MAP3K13: variants seen among roughly 807,000 people sequenced by gnomAD.
MAP3K13 encodes the protein leucine zipper-bearing kinase.
Under a neutral mutation model 104.0 loss-of-function variants are expected in MAP3K13, and 52 were observed. That is an observed-to-expected ratio of 0.50 (90% CI 0.40 to 0.63). MAP3K13 has a LOEUF of 0.63. Ranked by LOEUF, MAP3K13 falls within the 20% of genes least tolerant of loss-of-function variation. The pLI is 0.00. For missense variants in MAP3K13, 914 were observed against 1,218.5 expected, an observed-to-expected ratio of 0.75 and a Z score of 3.72; for synonymous variants, 394 against 442.2, an observed-to-expected ratio of 0.89 and a Z score of 1.37.
intron 11 of MAP3K13, 23 bp from the exon 12 acceptor site, chr3:185,477,303 C>A (rs765734592): frequency 3.3e-6 from 5 of 1,493,534 alleles, no homozygotes; most frequent in Non-Finnish European, 3.7e-6. Flanking sequence ...ATAAATAAAA[C>A]TCTTAATCCT....
Position 185,423,284 on chromosome 3 carries a change from GC to G in MAP3K13, c.-85-5211del, listed in dbSNP as rs147636528. ...GTCTTCCACAAAACTGGTCCCTGGT[GC>G]CAAAGAGGTTGGGGACTGCTGCTGT... On this transcript the variant is annotated intron_variant, in intron 1 of 13. Coordinates refer to ENST00000265026, the MANE Select transcript of MAP3K13 (RefSeq NM_004721.5). The surrounding 1 kb of genome is among the most constrained non-coding windows in gnomAD (Gnocchi z 4.1). Among the ~76,000 whole-genome samples, 804 of 152,312 alleles carry G rather than the reference GC, an allele frequency of 5.3e-3. 7 individuals carry two copies. The highest frequency in any genetic ancestry group is 0.018 in the African/African-American group (763 of 41,574).
intron 3 of MAP3K13, among the ~76,000 whole-genome samples, chr3:185,438,829 A>T (rs1038927400): frequency 1.3e-5 from 2 of 152,212 alleles, no homozygotes; most frequent in African/African-American, 4.8e-5. Flanking sequence ...CAGGACAAGT[A>T]TCTTTAGGTA....
chr3:185,345,698 G>GA (rs1722895888), intron 2 of MAP3K13, among the ~76,000 whole-genome samples: 1 of 151,962 alleles, frequency 6.6e-6, no homozygotes, highest in Non-Finnish European at 1.5e-5. Flanking sequence ...CTAGTTGCAG[G>GA]AAAAAAAGCA....
chr3:185,307,545 CCT>C (rs1491573373), intron 2 of MAP3K13, among the ~76,000 whole-genome samples: 8 of 48,242 alleles, frequency 1.7e-4, no homozygotes, highest in African/African-American at 2.6e-4. Flanking sequence ...TGCACCACCC[CCT>C]CCCCCGCCAC....
chr3:185,443,730 C>A (rs1715451399), intron 4 of MAP3K13, 94 bp downstream of exon 4: 8 of 1,051,488 alleles, frequency 7.6e-6, no homozygotes, highest in Non-Finnish European at 4.3e-6. Flanking sequence ...AGACATCATA[C>A]CTTTAGTTCA....
chr3:185,432,774 T>G (rs1714821982), intron 2 of MAP3K13, among the ~76,000 whole-genome samples: 1 of 152,266 alleles, frequency 6.6e-6, no homozygotes, highest in South Asian at 2.1e-4. Context: ...CAACTGATTA[T>G]GTGACTTTCA....
At chr3:185,428,200 A>AT (rs953664658) in intron 1 of MAP3K13, among the ~76,000 whole-genome samples, 29 of 151,968 alleles carry the variant, frequency 1.9e-4, no homozygotes, top group Admixed American at 1.6e-3. Flanking sequence ...AGTTCCTTGG[A>AT]TTTTTTCCTT....
At position 185,477,019 on chromosome 3, in the gene MAP3K13, C is replaced by A. The variant is rs564973460; in HGVS notation, c.2431-307C>A. The A allele has an allele frequency of 1.0e-5, 5 of 500,656 alleles. No individual in the cohort carries two copies. In the East Asian group the frequency reaches 2.4e-4, roughly 24 times the overall value. The allele number at this position is 500,656 out of a possible 1,614,324, so 31.0% of individuals were successfully genotyped here. On this transcript the variant is annotated intron_variant, in intron 11 of 13. Transcript: ENST00000265026. ...TGACCCCAAATCCAAGACCTCCTCT[C>A]CAACTTCCCTCTCCATCACTCACCT...
intron 1 of MAP3K13, among the ~76,000 whole-genome samples, chr3:185,414,286 C>T (rs1266670628): frequency 1.3e-5 from 2 of 152,164 alleles, no homozygotes; most frequent in Non-Finnish European, 2.9e-5. Flanking sequence ...TACGTTATCA[C>T]ATTGCTATGT....
rs1356776911 is a variant in MAP3K13 at position 185,485,578 on chromosome 3, G to A, written c.*3122G>A. The A allele has an allele frequency of 2.6e-5, 4 of 151,968 alleles. No homozygotes were observed. The highest frequency in any genetic ancestry group is 2.1e-4 in the South Asian group (1 of 4,824). The allele number at this position is 151,968 out of a possible 1,614,324, so 9.4% of individuals were successfully genotyped here. On this transcript the variant is annotated 3_prime_UTR_variant, in exon 14 of 14. Coordinates refer to ENST00000265026, the MANE Select transcript of MAP3K13 (RefSeq NM_004721.5). ...CCATTAGTCACTTAGTAGCAGTCTC[G>A]GTGATCAGATCGACTGTCTCGGTTA...
In MAP3K13 at chr3:185,451,397, T is replaced by A; in HGVS notation, c.1278+2T>A. 2 of 1,608,452 alleles carry A rather than the reference T, an allele frequency of 1.2e-6. No homozygotes were observed. Among genetic ancestry groups the A allele is most frequent in the Non-Finnish European group, 1.7e-6 (2 of 1,174,848 alleles). On this transcript the variant is annotated splice_donor_variant, in intron 7 of 13. Coordinates refer to ENST00000265026, the MANE Select transcript of MAP3K13 (RefSeq NM_004721.5). LOFTEE classifies it high-confidence loss of function. Reference sequence around the variant, plus strand: ...CAAGAAACTTACTTCAAGTCTCAGGTAAGTTGGGAAACTTCCTACCAGGTG... The same window carrying A: ...CAAGAAACTTACTTCAAGTCTCAGGAAAGTTGGGAAACTTCCTACCAGGTG...
Position 185,436,851 on chromosome 3 carries a change from A to G in MAP3K13, c.476-596A>G, listed in dbSNP as rs545267979. ...AACCCTGCCTCTACTGAAAAATACA[A>G]TTAGCCAGACATGGTGGCTGGTGCC... On this transcript the variant is annotated intron_variant, in intron 2 of 13. Transcript: ENST00000265026. 3.9e-5 allele frequency among the ~76,000 whole-genome samples: 6 copies of G among 152,036 alleles called. No homozygotes were observed. In the East Asian group the frequency reaches 1.2e-3, roughly 29 times the overall value.
rs559110513 is a variant in MAP3K13 at position 185,456,542 on chromosome 3, G to A, written c.1278+5147G>A. ...TGAAATGAAAGAGAATATAGTACTC[G>A]CTAGGAAATCTTTCGAACTTTAAGA... is the stretch of plus-strand genomic sequence containing the variant. On this transcript the variant is annotated intron_variant, in intron 7 of 13. Transcript: ENST00000265026. 2.3e-4 allele frequency among the ~76,000 whole-genome samples: 35 copies of A among 150,984 alleles called. No homozygotes were observed. The South Asian group carries it at 6.1e-3, about 26-fold the overall frequency.
chr3:185,424,742 C>A lies in MAP3K13; in HGVS notation c.-85-3755C>A, dbSNP rs112875039. Among the ~76,000 whole-genome samples, 1,199 of 152,344 alleles carry A rather than the reference C, an allele frequency of 7.9e-3. 13 individuals are homozygous for A. The highest frequency in any genetic ancestry group is 0.014 in the Non-Finnish European group (942 of 68,028). On this transcript the variant is annotated intron_variant, in intron 1 of 13. Transcript: ENST00000265026. ...GTAAATTGTAAAGCACTTTGTCTTACTTATTATTAAAAATAGTAATGGTAA... is the reference window on the plus strand; with the variant it reads ...GTAAATTGTAAAGCACTTTGTCTTAATTATTATTAAAAATAGTAATGGTAA...
At chr3:185,294,675 A>G (rs1043974804) in intron 2 of MAP3K13, among the ~76,000 whole-genome samples, 11 of 152,188 alleles carry the variant, frequency 7.2e-5, no homozygotes, top group African/African-American at 1.9e-4. Flanking sequence ...GCTCATTACT[A>G]TATGTAATTG....
At chr3:185,463,134 G>A (rs1717208104) in intron 7 of MAP3K13, among the ~76,000 whole-genome samples, 1 of 152,170 alleles carries the variant, frequency 6.6e-6, no homozygotes, top group Admixed American at 6.5e-5. Context: ...GGAATTCTGG[G>A]CCCAAAAAGA....
intron 2 of MAP3K13, among the ~76,000 whole-genome samples, chr3:185,341,841 T>C (rs1722733553): frequency 6.6e-6 from 1 of 152,250 alleles, no homozygotes; most frequent in South Asian, 2.1e-4. Context: ...GTATTCTATG[T>C]GGCTGTTTTT....
intron 12 of MAP3K13, 61 bp from the exon 13 acceptor site, chr3:185,480,171 G>C: frequency 6.6e-7 from 1 of 1,509,180 alleles, no homozygotes; most frequent in Non-Finnish European, 9.0e-7. Context: ...ATGAGTGACA[G>C]ATAAGGAAAG....
Position 185,455,543 on chromosome 3 carries a change from A to ATAGATATGACATATATAT in MAP3K13, c.1278+4148_1278+4149insTAGATATGACATATATAT, listed in dbSNP as rs1491361772. Among the ~76,000 whole-genome samples the ATAGATATGACATATATAT allele has an allele frequency of 4.0e-4, 3 of 7,448 alleles. No homozygotes were observed. The South Asian group carries it at 8.9e-3, about 22-fold the overall frequency. 4.9% of individuals were successfully genotyped at this position (7,448 alleles called of 152,430 possible). Reference sequence around the variant, plus strand: ...ATATGATATATATGAGATATATATGACATATATATGATATATATGAGATAT... The same window carrying ATAGATATGACATATATAT: ...ATATGATATATATGAGATATATATGATAGATATGACATATATATCATATATATGATATATATGAGATAT... On this transcript the variant is annotated intron_variant, in intron 7 of 13. Transcript: ENST00000265026.
Sources: gnomAD v4.1 joint callset for allele counts (sites outside exome capture counted in the v4.1 genomes callset) on GRCh38, gnomAD v4.1.1 for gene constraint, Gnocchi (gnomAD v3.1) non-coding constraint, MANE v1.5 for transcripts, NCBI Gene and HGNC (gene_info 2026-07-23, HGNC 2026-07-21) for gene names.